The following FAAH2 variants were observed in gnomAD, a reference collection of about 807,000 sequenced individuals.
The protein encoded by FAAH2 is fatty-acid amide hydrolase 2.
In FAAH2, 60 loss-of-function variants were observed where a neutral mutation model predicts 36.9. The observed-to-expected ratio is 1.63, with a 90% CI of 1.32 to 2.02. The LOEUF (loss-of-function observed/expected upper bound fraction) is 2.02. FAAH2 is among the 30% of genes most tolerant of loss of function. The pLI is 0.00. For synonymous variants in FAAH2, 214 were observed against 143.8 expected (o/e 1.49, Z -3.49); for missense variants, 689 against 397.5 (o/e 1.73, Z -6.23).
chrX:57,390,563 C>T (rs2055141867), intron 7 of FAAH2, among the ~76,000 whole-genome samples: 1 of 111,023 alleles, frequency 9.0e-6, no homozygotes, highest in Non-Finnish European at 1.9e-5. Context: ...TGTTTAGTTT[C>T]CACTTATAAG....
At chrX:57,456,699 G>A (rs1228765884) in intron 10 of FAAH2, among the ~76,000 whole-genome samples, 1 of 111,622 alleles carries the variant, frequency 9.0e-6, no homozygotes, top group African/African-American at 3.3e-5. Context: ...TAGATACAAT[G>A]GATAAATTCC....
At chrX:57,427,810 A>G (rs2056199148) in intron 7 of FAAH2, among the ~76,000 whole-genome samples, 1 of 102,743 alleles carries the variant, frequency 9.7e-6, no homozygotes, top group Non-Finnish European at 2.0e-5. Context: ...CTGAATGGGG[A>G]AAAGTTGAAA....
the FAAH2 span, among the ~76,000 whole-genome samples, chrX:57,217,760 A>T: frequency 9.0e-6 from 1 of 111,687 alleles, no homozygotes; most frequent in Admixed American, 9.5e-5. Flanking sequence ...CTTTGTCTAT[A>T]TGGGCTCTTT....
At chrX:57,165,633 A>G in the FAAH2 span, among the ~76,000 whole-genome samples, 1 of 111,424 alleles carries the variant, frequency 9.0e-6, no homozygotes, top group South Asian at 3.8e-4. Flanking sequence ...TGGCACATGT[A>G]TACATATGTA....
At chrX:57,397,700 T>C (rs1215650251) in intron 7 of FAAH2, among the ~76,000 whole-genome samples, 1 of 110,918 alleles carries the variant, frequency 9.0e-6, no homozygotes, top group South Asian at 3.9e-4. Context: ...TGCTTTTTTT[T>C]TCTTTTTTTA....
chrX:57,321,417 T>C (rs73220417), intron 3 of FAAH2, among the ~76,000 whole-genome samples: 5 of 108,822 alleles, frequency 4.6e-5, no homozygotes, highest in African/African-American at 1.7e-4. Flanking sequence ...TGCACATTTA[T>C]ACCTATGTAA....
chrX:57,465,866 A>T (rs2057037899), intron 10 of FAAH2, among the ~76,000 whole-genome samples: 1 of 110,508 alleles, frequency 9.0e-6, no homozygotes, highest in Non-Finnish European at 1.9e-5. Flanking sequence ...TTTGAATTAT[A>T]TATAAATGTA....
chrX:57,431,852 GTCACTCT>G (rs2056310130), intron 7 of FAAH2, 59 bp from the exon 8 acceptor site: 30 of 859,235 alleles, frequency 3.5e-5, no homozygotes, highest in Non-Finnish European at 4.1e-5. Flanking sequence ...TCTTGCTGAT[GTCACTCT>G]TCAGTAGTAT....
chrX:57,481,821 C>G (rs1602837401), intron 10 of FAAH2, among the ~76,000 whole-genome samples: 1 of 112,170 alleles, frequency 8.9e-6, no homozygotes, highest in South Asian at 3.7e-4. Flanking sequence ...AGCCAGCAGG[C>G]CAGAATGATG....
At position 57,303,172 on chromosome X, in the gene FAAH2, T is replaced by A. The variant is rs1186950987; in HGVS notation, c.276-7421T>A. Among the ~76,000 whole-genome samples the A allele has an allele frequency of 3.6e-5, 4 of 111,662 alleles. No individual in the cohort carries two copies. The East Asian group carries it at 1.1e-3, about 31-fold the overall frequency. On this transcript the variant is annotated intron_variant, in intron 2 of 10. Transcript: ENST00000374900. ...AGCCTGATTGCCCTGCCCCACCTGG[T>A]TGGGAAACTCCTGGGAGACAAGTGT... is the stretch of plus-strand genomic sequence containing the variant.
chrX:57,312,584 G>T (rs953843168), intron 3 of FAAH2, among the ~76,000 whole-genome samples: 1 of 110,053 alleles, frequency 9.1e-6, no homozygotes, highest in East Asian at 2.9e-4. Flanking sequence ...GGAGGCTGAG[G>T]TAGGAGAATC....
chrX:57,139,223 G>A, the FAAH2 span, among the ~76,000 whole-genome samples: 1 of 112,015 alleles, frequency 8.9e-6, no homozygotes. Flanking sequence ...TTTGATTTGA[G>A]TGTTGTATAT....
the FAAH2 span, among the ~76,000 whole-genome samples, chrX:57,228,134 G>T: frequency 1.8e-5 from 2 of 111,892 alleles, no homozygotes; most frequent in Non-Finnish European, 3.8e-5. Context: ...CTGGATTCGC[G>T]CCCTCCCCTG....
chrX:57,293,154 C>T (rs911700814), intron 2 of FAAH2, among the ~76,000 whole-genome samples: 1 of 111,130 alleles, frequency 9.0e-6, no homozygotes, highest in African/African-American at 3.3e-5. Context: ...GTGTAGCTCT[C>T]AGCCATTCAT....
intron 10 of FAAH2, among the ~76,000 whole-genome samples, chrX:57,460,604 G>A (rs1193933396): frequency 8.9e-6 from 1 of 111,771 alleles, no homozygotes; most frequent in Non-Finnish European, 1.9e-5. Flanking sequence ...CAAATGCTCA[G>A]GGATTTTGTC....
intron 7 of FAAH2, among the ~76,000 whole-genome samples, chrX:57,428,176 G>A (rs182813005): frequency 1.8e-5 from 2 of 111,884 alleles, no homozygotes; most frequent in East Asian, 2.8e-4. Flanking sequence ...TATCTGGAAT[G>A]CATTTAACCA....
chrX:57,239,706 A>G, the FAAH2 span, among the ~76,000 whole-genome samples: 3 of 110,965 alleles, frequency 2.7e-5, no homozygotes. Flanking sequence ...ACATAATTCT[A>G]TATTTCTTGG....
the FAAH2 span, among the ~76,000 whole-genome samples, chrX:57,190,993 G>A: frequency 1.8e-5 from 2 of 111,115 alleles, no homozygotes; most frequent in African/African-American, 6.5e-5. Flanking sequence ...CTTTCTTTGG[G>A]GATATAAACC....
chrX:57,261,545 T>C, the FAAH2 span, among the ~76,000 whole-genome samples: 1 of 70,993 alleles, frequency 1.4e-5, no homozygotes, highest in Non-Finnish European at 2.5e-5. Context: ...AGAGCGAGAC[T>C]CTGTCTCAAA....
Sources: gnomAD v4.1 joint callset for allele counts (sites outside exome capture counted in the v4.1 genomes callset) on GRCh38, gnomAD v4.1.1 for gene constraint, MANE v1.5 for transcripts, NCBI Gene and HGNC (gene_info 2026-07-23, HGNC 2026-07-21) for gene names.